Variants in POU2AF2 observed in about 807,000 individuals in gnomAD.
POU2AF2 encodes the protein POU class 2 homeobox associating factor 2.
At chr11:111,278,556 GTCTCTCTCTCTC>G in the POU2AF2 span, among the ~76,000 whole-genome samples, 34,367 of 148,408 alleles carry the variant, frequency 0.23, 4,807 homozygotes, top group Admixed American at 0.33. Flanking sequence ...CTCTCTCTCT[GTCTCTCTCTCTC>G]TCTCTCTCTC....
At chr11:111,268,365 C>G in the POU2AF2 span, among the ~76,000 whole-genome samples, 1 of 152,030 alleles carries the variant, frequency 6.6e-6, no homozygotes, top group Non-Finnish European at 1.5e-5. Context: ...TAACCTGAAC[C>G]GACCCTACAA....
chr11:111,280,402 T>C, the POU2AF2 span, among the ~76,000 whole-genome samples: 1 of 152,158 alleles, frequency 6.6e-6, no homozygotes, highest in South Asian at 2.1e-4. Context: ...AGGTTTCAGC[T>C]ACTCATGGTT....
chr11:111,285,810 T>C, the POU2AF2 span: 1 of 1,608,480 alleles, frequency 6.2e-7, no homozygotes, highest in Non-Finnish European at 8.5e-7. Context: ...GGGTCATCCC[T>C]GGCTGGGGCT....
the POU2AF2 span, among the ~76,000 whole-genome samples, chr11:111,269,802 C>G: frequency 6.6e-6 from 1 of 152,138 alleles, no homozygotes; most frequent in Non-Finnish European, 1.5e-5. Flanking sequence ...CTCACAGAGA[C>G]AGCCTGAACA....
the POU2AF2 span, among the ~76,000 whole-genome samples, chr11:111,274,680 T>G: frequency 6.7e-6 from 1 of 149,780 alleles, no homozygotes; most frequent in Non-Finnish European, 1.5e-5. Flanking sequence ...ATATATAAAT[T>G]TATATAATTT....
the POU2AF2 span, among the ~76,000 whole-genome samples, chr11:111,258,219 C>T: frequency 6.6e-6 from 1 of 152,174 alleles, no homozygotes; most frequent in African/African-American, 2.4e-5. Context: ...TGAACCACAG[C>T]TTCAAGTGGA....
the POU2AF2 span, chr11:111,284,460 G>A: frequency 2.8e-6 from 4 of 1,447,566 alleles, no homozygotes; most frequent in African/African-American, 5.7e-5. Flanking sequence ...TGGCATCCGG[G>A]TTGAAGCCAG....
the POU2AF2 span, among the ~76,000 whole-genome samples, chr11:111,253,535 T>G: frequency 6.6e-6 from 1 of 152,212 alleles, no homozygotes; most frequent in South Asian, 2.1e-4. Flanking sequence ...CAAACCTGTC[T>G]GATCCTTGCC....
the POU2AF2 span, among the ~76,000 whole-genome samples, chr11:111,268,477 T>TTTTATTTTATTTTATTTTATTTTA: frequency 1.3e-5 from 1 of 77,528 alleles, no homozygotes; most frequent in African/African-American, 3.4e-5. Context: ...CATTTTTCTT[T>TTTTATTTTATTTTATTTTATTTTA]TTTTATTTTA....
chr11:111,252,039 C>A, the POU2AF2 span, among the ~76,000 whole-genome samples: 16 of 152,304 alleles, frequency 1.1e-4, no homozygotes, highest in Non-Finnish European at 7.3e-5. Context: ...GTATAGATTG[C>A]TAATTCAGAT....
the POU2AF2 span, among the ~76,000 whole-genome samples, chr11:111,276,981 A>C: frequency 6.6e-6 from 1 of 152,264 alleles, no homozygotes; most frequent in Admixed American, 6.5e-5. Flanking sequence ...TTTGAACCTT[A>C]ATTCAAATTA....
chr11:111,264,076 A>G, the POU2AF2 span, among the ~76,000 whole-genome samples: 1 of 152,206 alleles, frequency 6.6e-6, no homozygotes, highest in Non-Finnish European at 1.5e-5. Flanking sequence ...TGGGGTAAGA[A>G]ATTATAAGTG....
the POU2AF2 span, among the ~76,000 whole-genome samples, chr11:111,281,917 A>AG: frequency 6.6e-6 from 1 of 152,226 alleles, no homozygotes; most frequent in South Asian, 2.1e-4. Flanking sequence ...CACACCACAC[A>AG]GGCAAAGACA....
chr11:111,254,339 G>GT, the POU2AF2 span, among the ~76,000 whole-genome samples: 1 of 152,154 alleles, frequency 6.6e-6, no homozygotes, highest in African/African-American at 2.4e-5. Flanking sequence ...AAATAACTTT[G>GT]TTTTGCTGAA....
At chr11:111,258,235 C>T in the POU2AF2 span, among the ~76,000 whole-genome samples, 9 of 152,298 alleles carry the variant, frequency 5.9e-5, no homozygotes, top group South Asian at 8.3e-4. Flanking sequence ...GTGGAAGTCA[C>T]GCGGGTTGCT....
chr11:111,263,890 C>T, the POU2AF2 span, among the ~76,000 whole-genome samples: 1 of 152,182 alleles, frequency 6.6e-6, no homozygotes, highest in Admixed American at 6.5e-5. Flanking sequence ...ATAACATCTA[C>T]CTTGCAAGGT....
the POU2AF2 span, among the ~76,000 whole-genome samples, chr11:111,253,380 T>TC: frequency 6.6e-6 from 1 of 152,170 alleles, no homozygotes; most frequent in African/African-American, 2.4e-5. Flanking sequence ...TTTCAATCAC[T>TC]CCCCCAAGGG....
At chr11:111,268,837 C>T in the POU2AF2 span, among the ~76,000 whole-genome samples, 5 of 151,936 alleles carry the variant, frequency 3.3e-5, no homozygotes, top group African/African-American at 9.7e-5. Flanking sequence ...CATGAGCCAC[C>T]GCACCCAGCC....
the POU2AF2 span, among the ~76,000 whole-genome samples, chr11:111,248,899 G>A: frequency 6.6e-6 from 1 of 152,082 alleles, no homozygotes; most frequent in Non-Finnish European, 1.5e-5. Context: ...TGATTTGATA[G>A]AGAAAACGTT....
Sources: allele counts gnomAD v4.1 joint callset (sites outside exome capture counted in the v4.1 genomes callset), GRCh38; gene constraint gnomAD v4.1.1; transcripts MANE v1.5; gene names NCBI Gene and HGNC (gene_info 2026-07-23, HGNC 2026-07-21).